Variants in MARCHF1 observed in about 807,000 individuals in gnomAD.
MARCHF1 encodes membrane associated ring-CH-type finger 1.
MARCHF1 carries 40 observed loss-of-function variants against 54.2 expected under a neutral mutation model. The ratio of observed to expected loss-of-function variants is 0.74; its 90% CI spans 0.57 to 0.96. The LOEUF is 0.96. Among genes scored for constraint, MARCHF1 ranks in the 40% least tolerant of loss-of-function variants. The pLI is 0.00. For missense variants in MARCHF1, 586 were observed against 656.5 expected, an observed-to-expected ratio of 0.89 and a Z score of 1.17; for synonymous variants, 236 against 236.3, an observed-to-expected ratio of 1.00 and a Z score of 0.01.
At chr4:163,883,995 A>G (rs769391145) in intron 3 of MARCHF1, among the ~76,000 whole-genome samples, 1 of 152,170 alleles carries the variant, frequency 6.6e-6, no homozygotes, top group Non-Finnish European at 1.5e-5. Flanking sequence ...TCCCCAGGAT[A>G]TTAAAATAGT....
intron 2 of MARCHF1, among the ~76,000 whole-genome samples, chr4:164,105,710 G>A (rs1297165144): frequency 2.2e-5 from 2 of 92,084 alleles, no homozygotes; most frequent in Non-Finnish European, 4.5e-5. Flanking sequence ...CATGGGCAAG[G>A]ACTTCATGTC....
chr4:163,574,355 T>G (rs1054962262), intron 8 of MARCHF1, among the ~76,000 whole-genome samples: 9 of 152,034 alleles, frequency 5.9e-5, no homozygotes, highest in African/African-American at 2.2e-4. Flanking sequence ...TTTGTTGCCA[T>G]TGCTTTTGGT....
chr4:164,129,797 G>C (rs909718273), intron 1 of MARCHF1, among the ~76,000 whole-genome samples: 1 of 151,994 alleles, frequency 6.6e-6, no homozygotes, highest in Non-Finnish European at 1.5e-5. Flanking sequence ...TGTGGTTGGG[G>C]GAGGGAGAGC....
At chr4:164,341,562 A>G (rs935993400) in intron 1 of MARCHF1, among the ~76,000 whole-genome samples, 1 of 152,242 alleles carries the variant, frequency 6.6e-6, no homozygotes, top group African/African-American at 2.4e-5. Context: ...TGGAAACTGG[A>G]AAGTCCAAGA....
intron 3 of MARCHF1, among the ~76,000 whole-genome samples, chr4:163,985,870 C>T (rs982680695): frequency 1.3e-4 from 20 of 152,240 alleles, no homozygotes; most frequent in African/African-American, 4.8e-4. Context: ...ATTTGCTCAT[C>T]AGGAAATGTC....
chr4:164,257,350 A>G (rs140786806), intron 1 of MARCHF1, among the ~76,000 whole-genome samples: 1,748 of 151,982 alleles, frequency 0.012, 34 homozygotes, highest in African/African-American at 0.04. Flanking sequence ...AATACAATAC[A>G]TGTTGTAAGT....
intron 1 of MARCHF1, among the ~76,000 whole-genome samples, chr4:164,196,234 G>A (rs1210967029): frequency 6.6e-6 from 1 of 151,892 alleles, no homozygotes; most frequent in Non-Finnish European, 1.5e-5. Flanking sequence ...AGTCTCTAAG[G>A]TACAATATAT....
At chr4:164,248,937 A>T (rs1481407641) in intron 1 of MARCHF1, among the ~76,000 whole-genome samples, 1 of 152,076 alleles carries the variant, frequency 6.6e-6, no homozygotes, top group African/African-American at 2.4e-5. Context: ...AAAAATTCAT[A>T]ATTCATTGGA....
intron 3 of MARCHF1, among the ~76,000 whole-genome samples, chr4:163,889,920 T>C (rs1376958572): frequency 1.4e-4 from 1 of 7,116 alleles, no homozygotes; most frequent in East Asian, 5.4e-3. Flanking sequence ...ATTTATTTTC[T>C]TTTTTCTTTT....
intron 1 of MARCHF1, among the ~76,000 whole-genome samples, chr4:164,274,698 A>C (rs1733831332): frequency 1.7e-5 from 1 of 59,426 alleles, no homozygotes; most frequent in Non-Finnish European, 3.2e-5. Flanking sequence ...TTTTTTTTAG[A>C]CGGAGTCTCG....
chr4:163,996,840 A>C (rs1383735295), intron 2 of MARCHF1, among the ~76,000 whole-genome samples: 1 of 152,050 alleles, frequency 6.6e-6, no homozygotes, highest in Non-Finnish European at 1.5e-5. Context: ...CCCACAAATC[A>C]AGGAACTACC....
In MARCHF1 at chr4:164,318,633, T is replaced by C. The variant is rs1362054214; in HGVS notation, c.-323+65237A>G. On this transcript the variant is annotated intron_variant, in intron 1 of 9. Transcript: ENST00000514618. Reference sequence around the variant, plus strand: ...AACAAGGATAATTGGCCTATAGAAATGAATGTGAATGATGACTGTCTAAAG... The same window carrying C: ...AACAAGGATAATTGGCCTATAGAAACGAATGTGAATGATGACTGTCTAAAG... Among the ~76,000 whole-genome samples, 4 of 152,104 alleles carry C rather than the reference T, an allele frequency of 2.6e-5. No homozygotes were observed. In the East Asian group the frequency reaches 7.7e-4, roughly 29 times the overall value.
intron 1 of MARCHF1, among the ~76,000 whole-genome samples, chr4:164,282,183 A>T (rs932710697): frequency 2.0e-5 from 3 of 150,724 alleles, no homozygotes; most frequent in African/African-American, 7.3e-5. Context: ...CCTGCCCTCA[A>T]CTACTACTTC....
chr4:163,687,356 T>C (rs889843073), intron 5 of MARCHF1, among the ~76,000 whole-genome samples: 4 of 152,066 alleles, frequency 2.6e-5, no homozygotes, highest in Non-Finnish European at 5.9e-5. Context: ...GCCTCTCAAG[T>C]AGCTGGGACT....
chr4:163,691,741 T>C (rs987405147), intron 5 of MARCHF1, among the ~76,000 whole-genome samples: 2 of 152,152 alleles, frequency 1.3e-5, no homozygotes, highest in African/African-American at 4.8e-5. Context: ...CAAACTTAAT[T>C]TGAAACTTAA....
chr4:163,588,150 A>G (rs371928685), intron 7 of MARCHF1, among the ~76,000 whole-genome samples: 1 of 152,200 alleles, frequency 6.6e-6, no homozygotes, highest in East Asian at 1.9e-4. Context: ...TGGGATGAGA[A>G]CACAGGGAAG....
In MARCHF1 at chr4:163,850,586, A is replaced by G. The variant is rs116822494; in HGVS notation, c.111+3435T>C. ...ATACAGAAATTTGAAGCCAAAGCCTATGCTACCATAGCAAAAATCTAAAAT... is the reference window on the plus strand; with the variant it reads ...ATACAGAAATTTGAAGCCAAAGCCTGTGCTACCATAGCAAAAATCTAAAAT... On this transcript the variant is annotated intron_variant, in intron 4 of 9. Transcript: ENST00000514618. Among the ~76,000 whole-genome samples, 1,096 of 152,348 alleles carry G rather than the reference A, an allele frequency of 7.2e-3. 11 individuals carry two copies. The highest frequency in any genetic ancestry group is 0.025 in the African/African-American group (1,049 of 41,568).
At chr4:164,332,877 A>C (rs1342327381) in intron 1 of MARCHF1, among the ~76,000 whole-genome samples, 2 of 152,232 alleles carry the variant, frequency 1.3e-5, no homozygotes, top group Non-Finnish European at 2.9e-5. Context: ...TTATTGCTAT[A>C]CATGAAAGTA....
At chr4:163,910,973 T>C (rs1751176541) in intron 3 of MARCHF1, among the ~76,000 whole-genome samples, 1 of 152,200 alleles carries the variant, frequency 6.6e-6, no homozygotes, top group African/African-American at 2.4e-5. Flanking sequence ...ATATCAGTAA[T>C]AGCAGGCCCA....
Sources: allele counts gnomAD v4.1 joint callset (sites outside exome capture counted in the v4.1 genomes callset), GRCh38; gene constraint gnomAD v4.1.1; transcripts MANE v1.5; gene names NCBI Gene and HGNC (gene_info 2026-07-23, HGNC 2026-07-21).